Variants in XYLB observed in about 807,000 individuals in gnomAD.
XYLB encodes the protein xylulose kinase.
In XYLB, 62 loss-of-function variants were observed where a neutral mutation model predicts 78.7. The ratio of observed to expected loss-of-function variants is 0.79; its 90% CI spans 0.64 to 0.97. XYLB has a LOEUF of 0.97. Among genes scored for constraint, XYLB ranks in the 50% least tolerant of loss-of-function variants. The probability of loss-of-function intolerance (pLI) is 0.00; values close to 1 mark genes in which losing one functional copy is unlikely to be tolerated. For missense variants in XYLB, 687 were observed against 676.8 expected (o/e 1.02, Z -0.17); for synonymous variants, 245 against 247.4 (o/e 0.99, Z 0.09).
At chr3:38,350,236 G>A (rs926694460) in intron 2 of XYLB, among the ~76,000 whole-genome samples, 4 of 152,198 alleles carry the variant, frequency 2.6e-5, no homozygotes, top group South Asian at 2.1e-4. Context: ...CCATGGAGCC[G>A]AGGTTAGAAG....
the XYLB span, among the ~76,000 whole-genome samples, chr3:38,443,149 G>A: frequency 0.014 from 2,068 of 152,312 alleles, 45 homozygotes; most frequent in African/African-American, 0.046. Context: ...AATGGACTTT[G>A]AGGACAGCCG....
At chr3:38,448,097 G>T in the XYLB span, among the ~76,000 whole-genome samples, 1 of 152,042 alleles carries the variant, frequency 6.6e-6, no homozygotes, top group African/African-American at 2.4e-5. Flanking sequence ...TGGCAGCATC[G>T]TGGATGGATC....
chr3:38,414,320 T>A lies in XYLB; in HGVS notation c.*1307T>A, dbSNP rs1708716627. 1 of 151,910 alleles carries A rather than the reference T, an allele frequency of 6.6e-6. No homozygotes were observed. The highest frequency in any genetic ancestry group is 2.1e-4 in the South Asian group (1 of 4,820). The allele number at this position is 151,910 out of a possible 1,614,324, so 9.4% of individuals were successfully genotyped here. On this transcript the variant is annotated 3_prime_UTR_variant, in exon 19 of 19. Coordinates refer to ENST00000207870, the MANE Select transcript of XYLB (RefSeq NM_005108.4). The stretch of plus-strand genomic sequence containing the variant: ...GAAGCCATCTTGAAAGTGAGTGGTG[T>A]CCTTTGGAGGCATGGTGGATGAAAG...
chr3:38,384,987 T>C (rs1184703729), intron 15 of XYLB, among the ~76,000 whole-genome samples: 1 of 152,092 alleles, frequency 6.6e-6, no homozygotes, highest in Non-Finnish European at 1.5e-5. Context: ...TTATTTCTTG[T>C]TTTGTTTTGT....
chr3:38,411,171 A>T (rs1708566241), intron 18 of XYLB, among the ~76,000 whole-genome samples: 1 of 152,198 alleles, frequency 6.6e-6, no homozygotes, highest in Non-Finnish European at 1.5e-5. Context: ...AAAATGTGGC[A>T]CATATACACC....
At chr3:38,366,171 C>T (rs1706251988) in intron 6 of XYLB, among the ~76,000 whole-genome samples, 1 of 151,722 alleles carries the variant, frequency 6.6e-6, no homozygotes, top group South Asian at 2.1e-4. Flanking sequence ...TCAACCTTGT[C>T]CCCAGGGGTG....
At chr3:38,369,706 T>C (rs971014643) in intron 8 of XYLB, among the ~76,000 whole-genome samples, 7 of 152,198 alleles carry the variant, frequency 4.6e-5, no homozygotes, top group Non-Finnish European at 8.8e-5. Flanking sequence ...GAGAAATCCC[T>C]GGGAGCTGAC....
In XYLB at chr3:38,372,651, T is replaced by G. The variant is rs541891558; in HGVS notation, c.766-4T>G. The G allele has an allele frequency of 5.0e-5, 81 of 1,614,102 alleles. No individual in the cohort carries two copies. The South Asian group carries it at 8.3e-4, about 17-fold the overall frequency. On this transcript the variant is annotated splice_region_variant and splice_polypyrimidine_tract_variant and intron_variant, in intron 9 of 18. Transcript: ENST00000207870. ...AGCACCTTTGCTTTGTCCCCGTCCCTCAGGGAGCCATTTCTTCCTACTACG... is the reference window on the plus strand; with the variant it reads ...AGCACCTTTGCTTTGTCCCCGTCCCGCAGGGAGCCATTTCTTCCTACTACG...
At chr3:38,350,084 C>G (rs1705279680) in intron 2 of XYLB, among the ~76,000 whole-genome samples, 1 of 152,206 alleles carries the variant, frequency 6.6e-6, no homozygotes. Flanking sequence ...TTGAGGCACC[C>G]TCGTGAGGGC....
intron 15 of XYLB, among the ~76,000 whole-genome samples, chr3:38,380,439 G>A (rs973723863): frequency 6.6e-6 from 1 of 152,172 alleles, no homozygotes; most frequent in Non-Finnish European, 1.5e-5. Flanking sequence ...TTTCTAAGAT[G>A]TATTTGTCTC....
Position 38,413,106 on chromosome 3 carries a change from A to G in XYLB, c.*93A>G. 1.5e-6 allele frequency: 2 copies of G among 1,294,246 alleles called. No individual in the cohort carries two copies. Among genetic ancestry groups the G allele is most frequent in the South Asian group, 3.0e-5 (2 of 65,652 alleles). 80.2% of individuals were successfully genotyped at this position (1,294,246 alleles called of 1,614,324 possible). On this transcript the variant is annotated 3_prime_UTR_variant, in exon 19 of 19. Coordinates refer to ENST00000207870, the MANE Select transcript of XYLB (RefSeq NM_005108.4). ...GGAGGGATCCACTTCTCTGTTCTGAACAGCTCTTCCTGCCCCTACTGACTC... is the reference window on the plus strand; with the variant it reads ...GGAGGGATCCACTTCTCTGTTCTGAGCAGCTCTTCCTGCCCCTACTGACTC...
downstream of XYLB, among the ~76,000 whole-genome samples, chr3:38,426,124 G>A (rs1709095044): frequency 6.6e-6 from 1 of 152,158 alleles, no homozygotes; most frequent in Non-Finnish European, 1.5e-5. Flanking sequence ...TACTGCCGCG[G>A]CAGCTGGAGT....
chr3:38,394,558 G>C (rs1481804585), intron 15 of XYLB, among the ~76,000 whole-genome samples: 1 of 152,152 alleles, frequency 6.6e-6, no homozygotes, highest in Non-Finnish European at 1.5e-5. Flanking sequence ...CTAATACTGT[G>C]TTAAACAGTG....
chr3:38,401,060 G>A, intron 18 of XYLB, 75 bp downstream of exon 18: 1 of 1,312,346 alleles, frequency 7.6e-7, no homozygotes, highest in Non-Finnish European at 1.1e-6. Context: ...CCACCAAAAG[G>A]TCACCTACAT....
At chr3:38,433,144 C>T in the XYLB span, among the ~76,000 whole-genome samples, 1 of 152,258 alleles carries the variant, frequency 6.6e-6, no homozygotes, top group Non-Finnish European at 1.5e-5. Context: ...GCAGGCCCAA[C>T]ACCATGTGGA....
chr3:38,398,984 G>A (rs951262102), intron 17 of XYLB, among the ~76,000 whole-genome samples: 1 of 151,884 alleles, frequency 6.6e-6, no homozygotes, highest in Non-Finnish European at 1.5e-5. Flanking sequence ...GTGAGCTGTT[G>A]CAGTGAGCCG....
chr3:38,359,692 A>G (rs549509587), intron 2 of XYLB, among the ~76,000 whole-genome samples: 22 of 152,194 alleles, frequency 1.4e-4, no homozygotes, highest in Non-Finnish European at 2.5e-4. Context: ...TGCTATGAAT[A>G]TTTGTGTACA....
intron 10 of XYLB, among the ~76,000 whole-genome samples, chr3:38,374,162 C>G (rs1706721989): frequency 6.6e-6 from 1 of 152,180 alleles, no homozygotes; most frequent in African/African-American, 2.4e-5. Flanking sequence ...TTGTCTTGGC[C>G]TCCTTGATTC....
chr3:38,364,541 C>G (rs949907208), intron 4 of XYLB, among the ~76,000 whole-genome samples: 2 of 138,318 alleles, frequency 1.4e-5, no homozygotes, highest in South Asian at 5.6e-4. Flanking sequence ...GACCCAGCCT[C>G]AGGCCCACTG....
Sources: gnomAD v4.1 joint callset for allele counts (sites outside exome capture counted in the v4.1 genomes callset) on GRCh38, gnomAD v4.1.1 for gene constraint, MANE v1.5 for transcripts, NCBI Gene and HGNC (gene_info 2026-07-23, HGNC 2026-07-21) for gene names.